The following VPS13D variants were observed in gnomAD, a reference collection of about 807,000 sequenced individuals.
VPS13D encodes intermembrane lipid transfer protein VPS13D.
A neutral mutation model predicts 461.9 loss-of-function variants in VPS13D; 187 were observed. The observed-to-expected ratio is 0.40, with a 90% confidence interval of 0.36 to 0.46. VPS13D has a LOEUF of 0.46. Ranked by LOEUF, VPS13D falls within the 20% of genes least tolerant of loss-of-function variation. The pLI, the probability that VPS13D is intolerant of heterozygous loss-of-function variation, is 0.60. For missense variants in VPS13D, 4,711 were observed against 5,364.9 expected (o/e 0.88, Z 3.81); for synonymous variants, 1,951 against 1,986.3 (o/e 0.98, Z 0.47).
intron 67 of VPS13D, 161 bp from the exon 68 acceptor site, chr1:12,497,339 G>T: frequency 1.4e-6 from 1 of 739,928 alleles, no homozygotes; most frequent in Non-Finnish European, 1.9e-6. Flanking sequence ...GTCTTTAACC[G>T]CTATTTCATG....
At position 12,460,268 on chromosome 1, in the gene VPS13D, C is replaced by T; in HGVS notation, c.12534C>T (p.Val4178=). The change falls in exon 67 of 70, where the codon GTC becomes GTT. Residue 4178 remains valine, a synonymous_variant. Transcript: ENST00000620676. The part of the protein sequence containing the change: ...TVEGVKTEGG[V]SGFISGLGKG... Reference sequence around the variant, plus strand: ...AAGGTGTGAAAACAGAAGGGGGTGTCAGCGGTTTCATATCTGGCCTTGGAA... The same window carrying T: ...AAGGTGTGAAAACAGAAGGGGGTGTTAGCGGTTTCATATCTGGCCTTGGAA... The T allele has an allele frequency of 6.2e-7, 1 of 1,612,100 alleles. No individual in the cohort carries two copies. Among genetic ancestry groups the T allele is most frequent in the Non-Finnish European group, 8.5e-7 (1 of 1,179,066 alleles).
intron 27 of VPS13D, among the ~76,000 whole-genome samples, chr1:12,310,813 C>CTCCTTCCCTCCTTCCCTCCT (rs1557701274): frequency 8.6e-6 from 1 of 115,802 alleles, no homozygotes; most frequent in Non-Finnish European, 1.8e-5. Flanking sequence ...CCCTCCCTCC[C>CTCCTTCCCTCCTTCCCTCCT]TCCCTCCTTC....
At chr1:12,358,962 A>G (rs1643912378) in intron 50 of VPS13D, among the ~76,000 whole-genome samples, 1 of 152,196 alleles carries the variant, frequency 6.6e-6, no homozygotes, top group African/African-American at 2.4e-5. Context: ...AAAATTTGCA[A>G]GCCCTAAGAG....
chr1:12,407,215 A>G (rs1395322956), intron 63 of VPS13D: 3 of 152,258 alleles, frequency 2.0e-5, no homozygotes, highest in African/African-American at 4.8e-5. Flanking sequence ...AACAGTCTCT[A>G]TGTACCATAA....
chr1:12,413,937 C>T (rs1386720674), intron 63 of VPS13D, among the ~76,000 whole-genome samples: 1 of 152,120 alleles, frequency 6.6e-6, no homozygotes, highest in African/African-American at 2.4e-5. Flanking sequence ...TTCTTTATGA[C>T]CCAGTTCCAC....
intron 27 of VPS13D, among the ~76,000 whole-genome samples, chr1:12,308,880 GGTGTT>G (rs970193492): frequency 4.6e-4 from 70 of 152,008 alleles, no homozygotes; most frequent in African/African-American, 1.6e-3. Context: ...CCTGACCTCA[GGTGTT>G]CTGCCTGCCT....
At chr1:12,313,299 CTTTTTTTTTTTTT>C (rs765170972) in intron 29 of VPS13D, among the ~76,000 whole-genome samples, 5 of 117,602 alleles carry the variant, frequency 4.3e-5, no homozygotes, top group Admixed American at 2.6e-4. Flanking sequence ...TTATTCTTTC[CTTTTTTTTTTTTT>C]TTTTTTTTTT....
At chr1:12,231,941 TC>T (rs1385229259) in intron 1 of VPS13D, among the ~76,000 whole-genome samples, 2 of 152,104 alleles carry the variant, frequency 1.3e-5, no homozygotes, top group African/African-American at 4.8e-5. Flanking sequence ...TGAGCCGAGA[TC>T]CGAGATCCCG....
intron 7 of VPS13D, 152 bp from the exon 8 acceptor site, chr1:12,256,181 A>G: frequency 1.2e-6 from 1 of 833,228 alleles, no homozygotes; most frequent in Admixed American, 2.8e-5. Context: ...AAGAATAAAA[A>G]TGAATAAAAA....
At chr1:12,470,041 T>C (rs1645542266) in intron 67 of VPS13D, among the ~76,000 whole-genome samples, 2 of 152,246 alleles carry the variant, frequency 1.3e-5, no homozygotes, top group African/African-American at 4.8e-5. Context: ...GAACTCCTTG[T>C]AGAAAGCAGT....
chr1:12,311,720 T>G (rs1452269144), intron 28 of VPS13D, 93 bp from the exon 29 acceptor site: 4 of 1,583,184 alleles, frequency 2.5e-6, no homozygotes, highest in Non-Finnish European at 3.4e-6. Flanking sequence ...AGAAAGAAGG[T>G]GGAGCAACAA....
In VPS13D at chr1:12,379,719, T is replaced by C. The variant is rs372238248; in HGVS notation, c.11190+123T>C. 4.3e-4 allele frequency: 264 copies of C among 616,162 alleles called. No individual in the cohort carries two copies. The East Asian group carries it at 7.5e-3, about 17-fold the overall frequency. The allele number at this position is 616,162 out of a possible 1,614,324, so 38.2% of individuals were successfully genotyped here. A position where few individuals can be genotyped will look rare whatever the true frequency, so the allele number is the denominator to read the frequency against. ...AAAACTAGTTACAGAGCAATACTTA[T>C]TCTATTCCATTTTAGTTAAAAGGAA... On this transcript the variant is annotated intron_variant, in intron 57 of 69. Coordinates refer to ENST00000620676, the MANE Select transcript of VPS13D (RefSeq NM_015378.4).
chr1:12,485,492 C>G (rs1645785810), intron 67 of VPS13D, among the ~76,000 whole-genome samples: 1 of 152,216 alleles, frequency 6.6e-6, no homozygotes, highest in Non-Finnish European at 1.5e-5. Flanking sequence ...ACTGATTAGG[C>G]AGGAATCAGC....
intron 10 of VPS13D, 147 bp from the exon 11 acceptor site, chr1:12,260,542 CTATT>C: frequency 1.6e-6 from 1 of 635,582 alleles, no homozygotes; most frequent in Non-Finnish European, 2.8e-6. Flanking sequence ...AATCATGGAA[CTATT>C]TATCTTGTTT....
chr1:12,318,641 C>G (rs1046075230), intron 31 of VPS13D, among the ~76,000 whole-genome samples: 4 of 151,986 alleles, frequency 2.6e-5, no homozygotes, highest in African/African-American at 9.7e-5. Context: ...CTGTAATTTG[C>G]CGTTTGATCT....
At chr1:12,254,555 G>T (rs993194823) in intron 7 of VPS13D, among the ~76,000 whole-genome samples, 1 of 113,912 alleles carries the variant, frequency 8.8e-6, no homozygotes, top group Non-Finnish European at 1.6e-5. Flanking sequence ...ATGGAGTCTC[G>T]CTCTGTCACC....
intron 66 of VPS13D, among the ~76,000 whole-genome samples, chr1:12,458,406 A>C (rs747975306): frequency 6.6e-6 from 1 of 152,100 alleles, no homozygotes; most frequent in Non-Finnish European, 1.5e-5. Context: ...AACTTTGTTC[A>C]AAAGTTTGGG....
At chr1:12,493,482 C>CAA (rs899634441) in intron 67 of VPS13D, among the ~76,000 whole-genome samples, 17 of 55,390 alleles carry the variant, frequency 3.1e-4, no homozygotes, top group African/African-American at 7.2e-4. Context: ...GACTCCATCT[C>CAA]AAAAAAAAAA....
intron 32 of VPS13D, among the ~76,000 whole-genome samples, chr1:12,321,360 G>C (rs983325747): frequency 5.3e-5 from 8 of 152,110 alleles, no homozygotes; most frequent in African/African-American, 1.9e-4. Flanking sequence ...CATTATTTTG[G>C]GTTGTGTTTT....
Sources: gnomAD v4.1 joint callset for allele counts (sites outside exome capture counted in the v4.1 genomes callset) on GRCh38, gnomAD v4.1.1 for gene constraint, MANE v1.5 for transcripts, NCBI Gene and HGNC (gene_info 2026-07-23, HGNC 2026-07-21) for gene names.